The following CEP112 variants were observed in gnomAD, a reference collection of about 807,000 sequenced individuals.
CEP112 encodes the protein centrosomal protein of 112 kDa.
CEP112 carries 127 observed loss-of-function variants against 153.0 expected under a neutral mutation model. The observed-to-expected ratio is 0.83, with a 90% CI of 0.72 to 0.96. The LOEUF (loss-of-function observed/expected upper bound fraction) is 0.96. Among genes scored for constraint, CEP112 ranks in the 40% least tolerant of loss-of-function variants. CEP112 has a pLI of 0.00. For missense variants in CEP112, 1,089 were observed against 1,101.2 expected, an observed-to-expected ratio of 0.99 and a Z score of 0.16; for synonymous variants, 358 against 374.4, an observed-to-expected ratio of 0.96 and a Z score of 0.51.
At chr17:65,695,492 T>C (rs766602142) in intron 23 of CEP112, among the ~76,000 whole-genome samples, 25 of 152,204 alleles carry the variant, frequency 1.6e-4, no homozygotes, top group Non-Finnish European at 3.5e-4. Context: ...TAAGGAATTA[T>C]GTATAGTCTT....
chr17:65,702,845 A>C (rs1315833205), intron 23 of CEP112, among the ~76,000 whole-genome samples: 1 of 152,092 alleles, frequency 6.6e-6, no homozygotes, highest in East Asian at 1.9e-4. Flanking sequence ...GCCCTTTATA[A>C]AACCATCAGA....
intron 20 of CEP112, among the ~76,000 whole-genome samples, chr17:65,856,049 C>G (rs897273886): frequency 2.0e-5 from 3 of 151,786 alleles, no homozygotes; most frequent in African/African-American, 7.3e-5. Flanking sequence ...AGAAGGAGAT[C>G]TTATCTCCAA....
At chr17:65,761,758 T>C (rs1037906623) in intron 21 of CEP112, among the ~76,000 whole-genome samples, 2 of 152,166 alleles carry the variant, frequency 1.3e-5, no homozygotes, top group African/African-American at 2.4e-5. Context: ...AGATCAGATA[T>C]TGTATGATTT....
chr17:65,879,885 A>AG (rs2058996570), intron 20 of CEP112, among the ~76,000 whole-genome samples: 1 of 151,334 alleles, frequency 6.6e-6, no homozygotes, highest in African/African-American at 2.4e-5. Context: ...AGGCAAATCC[A>AG]GGAGGTTCAA....
chr17:65,739,017 G>A (rs188124537), intron 23 of CEP112, among the ~76,000 whole-genome samples: 78 of 152,338 alleles, frequency 5.1e-4, no homozygotes, highest in African/African-American at 1.8e-3. Flanking sequence ...ACTCTTCCTA[G>A]GGCAGGGCTT....
At chr17:65,704,718 C>T (rs1418575954) in intron 23 of CEP112, among the ~76,000 whole-genome samples, 2 of 152,186 alleles carry the variant, frequency 1.3e-5, no homozygotes, top group African/African-American at 4.8e-5. Flanking sequence ...TCAGGTGAGC[C>T]TGCCTCTCAC....
At chr17:66,026,309 G>A (rs2065208615) in intron 16 of CEP112, among the ~76,000 whole-genome samples, 2 of 152,058 alleles carry the variant, frequency 1.3e-5, no homozygotes, top group Admixed American at 6.6e-5. Context: ...ATAAAACTCT[G>A]CACTTTACTG....
At chr17:65,828,624 G>T (rs2056943400) in intron 21 of CEP112, among the ~76,000 whole-genome samples, 1 of 152,104 alleles carries the variant, frequency 6.6e-6, no homozygotes, top group Non-Finnish European at 1.5e-5. Flanking sequence ...GCATTATGGG[G>T]TTCCCTCTTA....
At chr17:66,164,994 T>C (rs2071890671) in intron 4 of CEP112, among the ~76,000 whole-genome samples, 1 of 150,612 alleles carries the variant, frequency 6.6e-6, no homozygotes, top group African/African-American at 2.4e-5. Flanking sequence ...CAAGAGCAAC[T>C]AGATGTTGAT....
intron 4 of CEP112, among the ~76,000 whole-genome samples, chr17:66,161,843 TA>T (rs1369528271): frequency 2.7e-5 from 4 of 149,954 alleles, no homozygotes; most frequent in Admixed American, 6.7e-5. Flanking sequence ...AAAAAAAGAA[TA>T]AAAAAACTCT....
intron 20 of CEP112, among the ~76,000 whole-genome samples, chr17:65,861,117 G>C (rs1010513702): frequency 2.0e-5 from 3 of 152,208 alleles, no homozygotes; most frequent in Admixed American, 6.5e-5. Context: ...GAAATGAAGA[G>C]TGACCATTAA....
At chr17:65,919,475 A>G (rs1247124770) in intron 19 of CEP112, among the ~76,000 whole-genome samples, 1 of 152,216 alleles carries the variant, frequency 6.6e-6, no homozygotes, top group Non-Finnish European at 1.5e-5. Flanking sequence ...AAACAAAATA[A>G]TAGAAAAATA....
intron 23 of CEP112, among the ~76,000 whole-genome samples, chr17:65,698,609 A>G (rs142630200): frequency 1.3e-4 from 20 of 152,204 alleles, no homozygotes; most frequent in Non-Finnish European, 2.5e-4. Flanking sequence ...TCCTGACATT[A>G]CCCGCAGCTC....
chr17:66,089,991 G>A (rs2068074333), intron 8 of CEP112, among the ~76,000 whole-genome samples: 1 of 152,246 alleles, frequency 6.6e-6, no homozygotes. Context: ...GGATTTCATG[G>A]AGGAAATCTT....
Position 65,751,303 on chromosome 17 carries a change from A to T in CEP112, c.2395-579T>A, listed in dbSNP as rs2051833779. Among the ~76,000 whole-genome samples the T allele has an allele frequency of 5.9e-5, 9 of 152,220 alleles. No homozygotes were observed. The South Asian group carries it at 1.9e-3, about 32-fold the overall frequency. ...CCTGGAAATAGGGTGGCCTTTCCAC[A>T]ATCAGTCCACATTGCTTAGAACTTG... On this transcript the variant is annotated intron_variant, in intron 21 of 26. Coordinates refer to ENST00000535342, the MANE Select transcript of CEP112 (RefSeq NM_001199165.4).
At chr17:65,990,235 A>C (rs1024831594) in intron 17 of CEP112, among the ~76,000 whole-genome samples, 3 of 152,216 alleles carry the variant, frequency 2.0e-5, no homozygotes, top group African/African-American at 7.2e-5. Context: ...AGGGCAGAGC[A>C]AGATGGCTAA....
At chr17:65,948,120 A>G (rs2061703446) in intron 18 of CEP112, among the ~76,000 whole-genome samples, 1 of 152,150 alleles carries the variant, frequency 6.6e-6, no homozygotes, top group African/African-American at 2.4e-5. Flanking sequence ...ATACACTAAA[A>G]CTTAAAAATC....
At chr17:65,796,400 A>C (rs1318414267) in intron 21 of CEP112, among the ~76,000 whole-genome samples, 1 of 152,232 alleles carries the variant, frequency 6.6e-6, no homozygotes, top group Non-Finnish European at 1.5e-5. Context: ...AGGTAGGATA[A>C]TACATCAACT....
At chr17:66,154,000 T>TA (rs2071321201) in intron 4 of CEP112, among the ~76,000 whole-genome samples, 1 of 17,238 alleles carries the variant, frequency 5.8e-5, no homozygotes, top group Admixed American at 8.6e-4. Flanking sequence ...CTATCTCTAC[T>TA]AAGAAAAAAA....
Sources: gnomAD v4.1 joint callset for allele counts (sites outside exome capture counted in the v4.1 genomes callset) on GRCh38, gnomAD v4.1.1 for gene constraint, MANE v1.5 for transcripts, NCBI Gene and HGNC (gene_info 2026-07-23, HGNC 2026-07-21) for gene names.